Variants in AGBL1 observed in about 807,000 individuals in gnomAD.
The protein encoded by AGBL1 is cytosolic carboxypeptidase 4.
A neutral mutation model predicts 118.9 loss-of-function variants in AGBL1; 130 were observed. The observed-to-expected ratio is 1.09, with a 90% CI of 0.95 to 1.26. The LOEUF is 1.26. Ranked by LOEUF, AGBL1 falls within the 50% of genes most tolerant of loss-of-function variation. The pLI, the probability that AGBL1 is intolerant of heterozygous loss-of-function variation, is 0.00. For synonymous variants in AGBL1, 555 were observed against 478.9 expected (o/e 1.16, Z -2.08); for missense variants, 1,584 against 1,298.1 (o/e 1.22, Z -3.38).
At chr15:86,107,379 G>C (rs1897113219) in intron 1 of AGBL1, among the ~76,000 whole-genome samples, 1 of 152,198 alleles carries the variant, frequency 6.6e-6, no homozygotes, top group Non-Finnish European at 1.5e-5. Context: ...TAAACTATGT[G>C]CTCTTAGGCA....
intron 24 of AGBL1, among the ~76,000 whole-genome samples, chr15:86,999,252 G>A (rs779543594): frequency 6.6e-6 from 1 of 150,878 alleles, no homozygotes; most frequent in Non-Finnish European, 1.5e-5. Flanking sequence ...TTAAGTTTTA[G>A]GGTACATGTG....
At chr15:86,495,813 TATTATGTAG>T (rs2082845571) in intron 18 of AGBL1, among the ~76,000 whole-genome samples, 1 of 151,992 alleles carries the variant, frequency 6.6e-6, no homozygotes, top group South Asian at 2.1e-4. Context: ...TTTTTTGATG[TATTATGTAG>T]ATTTTTTTAT....
intron 21 of AGBL1, among the ~76,000 whole-genome samples, chr15:86,670,577 C>G (rs1370380321): frequency 6.9e-6 from 1 of 144,012 alleles, no homozygotes; most frequent in African/African-American, 2.7e-5. Context: ...GCACTCCAGC[C>G]TGGGTGACAA....
At chr15:86,222,419 C>A (rs1312535099) in intron 5 of AGBL1, among the ~76,000 whole-genome samples, 6 of 152,158 alleles carry the variant, frequency 3.9e-5, no homozygotes, top group Admixed American at 3.9e-4. Flanking sequence ...CAGGCCATCA[C>A]TGACTCTTCA....
intron 22 of AGBL1, among the ~76,000 whole-genome samples, chr15:86,792,278 T>C (rs953707962): frequency 1.3e-5 from 2 of 152,174 alleles, no homozygotes; most frequent in African/African-American, 4.8e-5. Flanking sequence ...TCTAGTCCCC[T>C]TCTTCCTTTC....
At chr15:86,960,730 A>G (rs1052193525) in intron 23 of AGBL1, among the ~76,000 whole-genome samples, 5 of 152,096 alleles carry the variant, frequency 3.3e-5, no homozygotes, top group African/African-American at 7.2e-5. Flanking sequence ...CTAAGCATCC[A>G]TCAATGGACA....
chr15:86,972,583 T>G (rs1335093858), intron 23 of AGBL1, among the ~76,000 whole-genome samples: 2 of 152,080 alleles, frequency 1.3e-5, no homozygotes, highest in Non-Finnish European at 2.9e-5. Context: ...ATCTTTATGT[T>G]ACATAGATGC....
At chr15:86,196,373 A>G (rs2141841677) in intron 5 of AGBL1, among the ~76,000 whole-genome samples, 1 of 152,270 alleles carries the variant, frequency 6.6e-6, no homozygotes, top group Middle Eastern at 3.4e-3. Flanking sequence ...TGAAATCTAC[A>G]ATAGCAATAT....
intron 19 of AGBL1, among the ~76,000 whole-genome samples, chr15:86,545,439 A>G (rs1179438907): frequency 6.6e-6 from 1 of 152,008 alleles, no homozygotes; most frequent in Non-Finnish European, 1.5e-5. Flanking sequence ...ACAAGTACAG[A>G]TTTGTTGCAC....
chr15:86,395,760 G>A (rs1328115801), intron 17 of AGBL1, among the ~76,000 whole-genome samples: 2 of 151,998 alleles, frequency 1.3e-5, no homozygotes, highest in Admixed American at 1.3e-4. Flanking sequence ...CAGAAATACG[G>A]AAGAGACAGA....
At chr15:86,382,629 T>C (rs1328750663) in intron 17 of AGBL1, among the ~76,000 whole-genome samples, 1 of 152,196 alleles carries the variant, frequency 6.6e-6, no homozygotes, top group Admixed American at 6.5e-5. Flanking sequence ...ACCGCTGTAG[T>C]CATTTTGAGT....
At chr15:86,990,360 C>CA in intron 24 of AGBL1, among the ~76,000 whole-genome samples, 1 of 152,180 alleles carries the variant, frequency 6.6e-6, no homozygotes, top group East Asian at 1.9e-4. Context: ...ACTAAAAATA[C>CA]AAAAATTAGC....
At chr15:86,560,716 C>A (rs540269934) in intron 21 of AGBL1, among the ~76,000 whole-genome samples, 2 of 152,350 alleles carry the variant, frequency 1.3e-5, no homozygotes, top group African/African-American at 4.8e-5. Flanking sequence ...AATCGCCACA[C>A]TGTCTTCCAC....
At position 86,880,778 on chromosome 15, in the gene AGBL1, TGTGTGTGTGTGCAC is replaced by T. The variant is rs1366874214; in HGVS notation, c.3159-26297_3159-26284del. Among the ~76,000 whole-genome samples the T allele has an allele frequency of 1.1e-4, 17 of 152,168 alleles. No homozygotes were observed. In the South Asian group the frequency reaches 1.9e-3, roughly 17 times the overall value. ...GGGTGTACATGTGTGTATATGCCTC[TGTGTGTGTGTGCAC>T]GTGTGTGTGTGTATAGGGACATCAA... On this transcript the variant is annotated intron_variant, in intron 22 of 22. Coordinates refer to ENST00000614907, the MANE Select transcript of AGBL1 (RefSeq NM_001386094.1).
intron 1 of AGBL1, among the ~76,000 whole-genome samples, chr15:86,096,967 A>T (rs868178167): frequency 2.0e-5 from 3 of 152,256 alleles, no homozygotes; most frequent in South Asian, 4.1e-4. Context: ...CATTAATAGG[A>T]GGGACCTAAA....
At chr15:86,097,171 T>C (rs1391465522) in intron 1 of AGBL1, among the ~76,000 whole-genome samples, 1 of 152,198 alleles carries the variant, frequency 6.6e-6, no homozygotes. Context: ...TTCTTTTTGA[T>C]GTTTATTTTT....
At chr15:86,673,652 G>T (rs1486869073) in intron 21 of AGBL1, among the ~76,000 whole-genome samples, 1 of 152,194 alleles carries the variant, frequency 6.6e-6, no homozygotes, top group East Asian at 1.9e-4. Context: ...TTGGCATGCA[G>T]TAAGTGATCA....
chr15:86,117,252 C>T (rs147157686), intron 1 of AGBL1, among the ~76,000 whole-genome samples: 80 of 152,172 alleles, frequency 5.3e-4, no homozygotes, highest in African/African-American at 1.8e-3. Flanking sequence ...TGGGAATCCC[C>T]GCTAAAATTG....
intron 22 of AGBL1, among the ~76,000 whole-genome samples, chr15:86,705,377 G>A (rs997656487): frequency 6.6e-6 from 1 of 152,034 alleles, no homozygotes; most frequent in African/African-American, 2.4e-5. Flanking sequence ...ACGTAAGAAT[G>A]GACTAAAACA....
Sources: gnomAD v4.1 joint callset for allele counts (sites outside exome capture counted in the v4.1 genomes callset) on GRCh38, gnomAD v4.1.1 for gene constraint, MANE v1.5 for transcripts, NCBI Gene and HGNC (gene_info 2026-07-23, HGNC 2026-07-21) for gene names.